ASH1L: variants seen among roughly 807,000 people sequenced by gnomAD.
ASH1L encodes the protein ASH1 like histone lysine methyltransferase, also known as histone-lysine N-methyltransferase ASH1L.
ASH1L carries 23 observed loss-of-function variants against 269.0 expected under a neutral mutation model. The observed-to-expected ratio is 0.09, with a 90% CI of 0.06 to 0.12. The LOEUF (loss-of-function observed/expected upper bound fraction) is 0.12, where lower values mean the gene tolerates loss of function less well. Among genes scored for constraint, ASH1L ranks in the 10% least tolerant of loss-of-function variants. ASH1L has a pLI of 1.00. For missense variants in ASH1L, 2,912 were observed against 3,567.8 expected (o/e 0.82, Z 4.68); for synonymous variants, 1,187 against 1,253.5 (o/e 0.95, Z 1.12).
chr1:155,545,987 T>C (rs1451488545), intron 1 of ASH1L, among the ~76,000 whole-genome samples: 1 of 151,836 alleles, frequency 6.6e-6, no homozygotes, highest in Non-Finnish European at 1.5e-5. Flanking sequence ...TGAAACCCCA[T>C]CTCTACTTAA....
chr1:155,544,411 C>A (rs921455973), intron 1 of ASH1L, among the ~76,000 whole-genome samples: 1 of 151,968 alleles, frequency 6.6e-6, no homozygotes, highest in East Asian at 1.9e-4. Flanking sequence ...CTCAGCCTCC[C>A]GAGTAGCTGG....
Position 155,482,147 on chromosome 1 carries a change from T to C in ASH1L, c.723A>G (p.Gly241=). The C allele has an allele frequency of 6.2e-7, 1 of 1,614,204 alleles. No homozygotes were observed. The highest frequency in any genetic ancestry group is 8.5e-7 in the Non-Finnish European group (1 of 1,180,016). ...TAACCAATCCTGCTGTAGTGCCAGT[T>C]CCTAACTTCTTCGGTTTTGTCTTGG... The part of the protein sequence containing the change: ...KSSKTKPKKL[G]TGTTAGLVSK... The change falls in exon 3 of 28, where the codon GGA becomes GGG. Residue 241 remains glycine, a synonymous_variant. Coordinates refer to ENST00000392403, the MANE Select transcript of ASH1L (RefSeq NM_018489.3).
chr1:155,355,149 G>A (rs866166017), intron 15 of ASH1L, among the ~76,000 whole-genome samples: 13 of 152,150 alleles, frequency 8.5e-5, no homozygotes, highest in African/African-American at 2.9e-4. Flanking sequence ...TCTGCTTCCC[G>A]GGTTCAAGCG....
chr1:155,390,624 T>C (rs1192254059), intron 7 of ASH1L, among the ~76,000 whole-genome samples: 4 of 149,174 alleles, frequency 2.7e-5, no homozygotes, highest in East Asian at 4.0e-4. Context: ...CTGTAGTTAA[T>C]ATCATTCTCC....
chr1:155,380,960 C>T (rs750962366), intron 7 of ASH1L, among the ~76,000 whole-genome samples: 6 of 151,898 alleles, frequency 4.0e-5, no homozygotes, highest in Non-Finnish European at 7.4e-5. Context: ...AATTCTTATA[C>T]ATATAGTCAT....
intron 15 of ASH1L, among the ~76,000 whole-genome samples, 184 bp downstream of exon 15, chr1:155,357,132 T>TAA (rs1558027299): frequency 4.5e-4 from 3 of 6,648 alleles, no homozygotes; most frequent in East Asian, 0.02. Flanking sequence ...AGGGTAAGAC[T>TAA]TAAAAAAAAA....
At chr1:155,492,930 C>T (rs549643589) in intron 2 of ASH1L, among the ~76,000 whole-genome samples, 2 of 152,072 alleles carry the variant, frequency 1.3e-5, no homozygotes, top group Non-Finnish European at 2.9e-5. Context: ...CTCTAGCCAA[C>T]ATCCCACCTC....
At chr1:155,412,103 A>G (rs942587301) in intron 6 of ASH1L, among the ~76,000 whole-genome samples, 2 of 151,972 alleles carry the variant, frequency 1.3e-5, no homozygotes, top group African/African-American at 4.8e-5. Context: ...TTGGCTGGGC[A>G]TGGCGGTGTG....
At chr1:155,500,882 C>T (rs60068022) in intron 2 of ASH1L, among the ~76,000 whole-genome samples, 243 of 152,148 alleles carry the variant, frequency 1.6e-3, no homozygotes, top group African/African-American at 5.7e-3. Flanking sequence ...GCATGAGAAT[C>T]GCTTGAACCT....
intron 12 of ASH1L, among the ~76,000 whole-genome samples, chr1:155,367,115 T>C (rs2148405098): frequency 6.8e-6 from 1 of 147,794 alleles, no homozygotes; most frequent in African/African-American, 2.5e-5. Context: ...TGCCTCAGCC[T>C]CCCAAGTAGC....
At chr1:155,525,065 C>T (rs181177798) in intron 1 of ASH1L, among the ~76,000 whole-genome samples, 8 of 151,998 alleles carry the variant, frequency 5.3e-5, no homozygotes, top group South Asian at 2.1e-4. Context: ...CTAGCAAACA[C>T]AGCAAGACCC....
intron 3 of ASH1L, among the ~76,000 whole-genome samples, chr1:155,467,599 C>T (rs1180814702): frequency 1.3e-5 from 2 of 151,692 alleles, no homozygotes; most frequent in Admixed American, 1.3e-4. Context: ...AGTTTGATTC[C>T]CCATTTTTGA....
chr1:155,419,436 T>C (rs879782619), intron 5 of ASH1L: 1 of 150,528 alleles, frequency 6.6e-6, no homozygotes, highest in Non-Finnish European at 1.5e-5. Context: ...ATTGGAACAA[T>C]ACAGAGATGA....
rs185299912 is a variant in ASH1L, at chr1:155,509,575, G to A, written c.420+11525C>T. On this transcript the variant is annotated intron_variant, in intron 2 of 27. Coordinates refer to ENST00000392403, the MANE Select transcript of ASH1L (RefSeq NM_018489.3). ...GCACTTTGGGAGGCCAAAGCAGGCC[G>A]ATCACCTGAGGTTAGGAGTTCGAGA... 3.3e-5 allele frequency among the ~76,000 whole-genome samples: 5 copies of A among 152,266 alleles called. No homozygotes were observed. The South Asian group carries it at 6.2e-4, about 19-fold the overall frequency.
chr1:155,475,272 G>A lies in ASH1L; in HGVS notation c.4984+2614C>T, dbSNP rs1224804775. 2.0e-5 allele frequency among the ~76,000 whole-genome samples: 3 copies of A among 152,130 alleles called. No homozygotes were observed. The South Asian group carries it at 6.2e-4, about 32-fold the overall frequency. ...CTGCCTCAGCCTCCCAAGTAGCTGG[G>A]ACTACAGGCACGTGCCACCATGCCC... On this transcript the variant is annotated intron_variant, in intron 3 of 27. Coordinates refer to ENST00000392403, the MANE Select transcript of ASH1L (RefSeq NM_018489.3).
chr1:155,349,296 G>A (rs1653666001), intron 19 of ASH1L, 31 bp downstream of exon 19: 2 of 1,594,954 alleles, frequency 1.3e-6, no homozygotes, highest in African/African-American at 1.3e-5. Context: ...GAACAAACTT[G>A]TGAAATCTGT....
chr1:155,406,285 G>T (rs1231711639), intron 6 of ASH1L, among the ~76,000 whole-genome samples: 1 of 149,786 alleles, frequency 6.7e-6, no homozygotes, highest in African/African-American at 2.5e-5. Context: ...ATTTTTTGCA[G>T]AAATAGATAA....
chr1:155,538,063 C>T (rs1670174585), intron 1 of ASH1L, among the ~76,000 whole-genome samples: 1 of 151,902 alleles, frequency 6.6e-6, no homozygotes, highest in African/African-American at 2.4e-5. Context: ...CTCACTCTGT[C>T]ACCCAGGCTG....
At chr1:155,354,902 G>C (rs1173299626) in intron 15 of ASH1L, among the ~76,000 whole-genome samples, 1 of 152,174 alleles carries the variant, frequency 6.6e-6, no homozygotes, top group Middle Eastern at 3.2e-3. Context: ...AGATTTATTT[G>C]TACAAATTCT....
Sources: gnomAD v4.1 joint callset for allele counts (sites outside exome capture counted in the v4.1 genomes callset) on GRCh38, gnomAD v4.1.1 for gene constraint, MANE v1.5 for transcripts, NCBI Gene and HGNC (gene_info 2026-07-23, HGNC 2026-07-21) for gene names.